Variants in ZBTB38 observed in about 807,000 individuals in gnomAD.
The protein encoded by ZBTB38 is zinc finger and BTB domain-containing protein 38.
ZBTB38 carries 20 observed loss-of-function variants against 76.8 expected under a neutral mutation model. The observed-to-expected ratio is 0.26, with a 90% CI of 0.18 to 0.38. The LOEUF is 0.38. ZBTB38 is among the 10% of genes least tolerant of loss of function. The pLI is 1.00. For synonymous variants in ZBTB38, 504 were observed against 544.2 expected (o/e 0.93, Z 1.03); for missense variants, 1,082 against 1,482.3 (o/e 0.73, Z 4.43).
rs773360089 is a variant in ZBTB38 at position 141,446,024 on chromosome 3, T to A, written c.*48T>A. The A allele has an allele frequency of 9.5e-6, 14 of 1,471,700 alleles. No homozygotes were observed. Among genetic ancestry groups the A allele is most frequent in the South Asian group, 6.8e-5 (5 of 73,548 alleles). 91.2% of individuals were successfully genotyped at this position (1,471,700 alleles called of 1,614,324 possible). ...TCAAAAATATAGTTGGTGGTTTTTTTAGTTATGATTTAAGTTTAGTTTCAT... is the reference window on the plus strand; with the variant it reads ...TCAAAAATATAGTTGGTGGTTTTTTAAGTTATGATTTAAGTTTAGTTTCAT... On this transcript the variant is annotated 3_prime_UTR_variant, in exon 6 of 6. Coordinates refer to ENST00000321464, the MANE Select transcript of ZBTB38 (RefSeq NM_001376113.1).
At chr3:141,408,810 T>G (rs75738213) in intron 5 of ZBTB38, among the ~76,000 whole-genome samples, 1,747 of 152,330 alleles carry the variant, frequency 0.011, 34 homozygotes, top group African/African-American at 0.04. Context: ...TCTTGCTGGT[T>G]TGCCTCTTTG....
chr3:141,420,172 G>A, intron 5 of ZBTB38, among the ~76,000 whole-genome samples: 1 of 152,264 alleles, frequency 6.6e-6, no homozygotes, highest in East Asian at 1.9e-4. Context: ...ATTCCAGGCA[G>A]GGTGGGGCAC....
At chr3:141,402,505 G>T (rs1477786726) in intron 4 of ZBTB38, 1 of 150,386 alleles carries the variant, frequency 6.6e-6, no homozygotes, top group African/African-American at 2.4e-5. Flanking sequence ...GGCGAGGCGC[G>T]GCCTGCGGGC....
chr3:141,440,773 C>T (rs961343521), intron 5 of ZBTB38, among the ~76,000 whole-genome samples: 5 of 152,138 alleles, frequency 3.3e-5, no homozygotes, highest in Admixed American at 2.0e-4. Flanking sequence ...CAGTGGCTCA[C>T]ACCTGTAATC....
chr3:141,349,107 G>A (rs1943447409), intron 1 of ZBTB38, among the ~76,000 whole-genome samples: 1 of 152,086 alleles, frequency 6.6e-6, no homozygotes, highest in Admixed American at 6.6e-5. Flanking sequence ...ACCCCACTTG[G>A]CAGCCAGACA....
intron 1 of ZBTB38, among the ~76,000 whole-genome samples, chr3:141,369,337 A>G (rs1944206580): frequency 6.6e-6 from 1 of 152,210 alleles, no homozygotes; most frequent in African/African-American, 2.4e-5. Context: ...TGTTCTGTGT[A>G]TGAACCTCCA....
chr3:141,449,464 A>G lies in ZBTB38; in HGVS notation c.*3488A>G, dbSNP rs2081340219. The stretch of plus-strand genomic sequence containing the variant: ...GCTGGTAATTTTCACACAAAGAAAA[A>G]AATACGTTCCGTCGTCACAGACTCT... On this transcript the variant is annotated 3_prime_UTR_variant, in exon 6 of 6. Coordinates refer to ENST00000321464, the MANE Select transcript of ZBTB38 (RefSeq NM_001376113.1). 6.6e-6 allele frequency: 1 copy of G among 152,166 alleles called. No homozygotes were observed. Among genetic ancestry groups the G allele is most frequent in the South Asian group, 2.1e-4 (1 of 4,820 alleles). The allele number at this position is 152,166 out of a possible 1,614,324, so 9.4% of individuals were successfully genotyped here.
chr3:141,398,457 G>A (rs991634992), intron 4 of ZBTB38, among the ~76,000 whole-genome samples: 2 of 152,236 alleles, frequency 1.3e-5, no homozygotes, highest in Admixed American at 1.3e-4. Context: ...GACAAACTAT[G>A]TATCTTCTTG....
intron 1 of ZBTB38, among the ~76,000 whole-genome samples, chr3:141,359,885 C>T (rs1013074748): frequency 2.6e-5 from 4 of 152,078 alleles, no homozygotes; most frequent in Non-Finnish European, 4.4e-5. Context: ...GAGCCATGAT[C>T]ACACCACTGC....
At chr3:141,401,203 G>GT (rs542281777) in intron 4 of ZBTB38, among the ~76,000 whole-genome samples, 7 of 151,860 alleles carry the variant, frequency 4.6e-5, no homozygotes, top group South Asian at 2.1e-4. Flanking sequence ...TTTTGTTTTT[G>GT]TTTTTTTTAA....
rs202021441 is a variant in ZBTB38 at position 141,344,554 on chromosome 3, TG to T, written c.-739+20099del. ...TGGCTAATTTTTTGTTTTTATTTTT[TG>T]TAGATGTGGGGTCTCACTGTGTTTC... On this transcript the variant is annotated intron_variant, in intron 1 of 7. Transcript: ENST00000509842. Among the ~76,000 whole-genome samples, 144 of 152,282 alleles carry T rather than the reference TG, an allele frequency of 9.5e-4. 2 individuals are homozygous for T. The East Asian group carries it at 0.025, about 27-fold the overall frequency.
At chr3:141,347,969 C>A (rs1288941806) in intron 1 of ZBTB38, among the ~76,000 whole-genome samples, 20 of 152,196 alleles carry the variant, frequency 1.3e-4, no homozygotes, top group Admixed American at 1.3e-3. Flanking sequence ...TGATTAGACC[C>A]TGACTGATAC....
intron 4 of ZBTB38, among the ~76,000 whole-genome samples, chr3:141,400,413 C>G (rs1215879093): frequency 6.6e-6 from 1 of 152,114 alleles, no homozygotes; most frequent in Non-Finnish European, 1.5e-5. Context: ...CTTAGGAAAC[C>G]CAGAGCCGGT....
At chr3:141,332,871 A>G (rs887088419) in intron 1 of ZBTB38, among the ~76,000 whole-genome samples, 7 of 152,222 alleles carry the variant, frequency 4.6e-5, no homozygotes, top group African/African-American at 1.7e-4. Context: ...TTGATAAACT[A>G]GGGGAAATTC....
chr3:141,360,003 A>ATG, intron 1 of ZBTB38, among the ~76,000 whole-genome samples: 3 of 152,212 alleles, frequency 2.0e-5, no homozygotes, highest in Non-Finnish European at 4.4e-5. Context: ...ATGAAGTTTT[A>ATG]AAACCTCATA....
intron 4 of ZBTB38, among the ~76,000 whole-genome samples, chr3:141,399,201 G>C (rs565245352): frequency 6.7e-4 from 101 of 151,464 alleles, no homozygotes; most frequent in African/African-American, 2.3e-3. Flanking sequence ...CTTAGGAAGT[G>C]CTGCAGATCT....
At chr3:141,430,867 G>C (rs1048483689) in intron 5 of ZBTB38, among the ~76,000 whole-genome samples, 2 of 152,124 alleles carry the variant, frequency 1.3e-5, no homozygotes, top group Non-Finnish European at 2.9e-5. Context: ...CATTCAATCA[G>C]CCAGCCCTTT....
At chr3:141,428,087 G>T (rs1374636774) in intron 5 of ZBTB38, among the ~76,000 whole-genome samples, 1 of 152,188 alleles carries the variant, frequency 6.6e-6, no homozygotes, top group Non-Finnish European at 1.5e-5. Flanking sequence ...GGGATCAAGG[G>T]GCTGCATGCC....
At chr3:141,374,977 C>T (rs1322869977) in intron 2 of ZBTB38, among the ~76,000 whole-genome samples, 2 of 152,116 alleles carry the variant, frequency 1.3e-5, no homozygotes, top group Non-Finnish European at 2.9e-5. Context: ...TGAGGAGGAG[C>T]CTGGGGATAT....
Sources: gnomAD v4.1 joint callset for allele counts (sites outside exome capture counted in the v4.1 genomes callset) on GRCh38, gnomAD v4.1.1 for gene constraint, MANE v1.5 for transcripts, NCBI Gene and HGNC (gene_info 2026-07-23, HGNC 2026-07-21) for gene names.